Variants in MARK4 observed in about 807,000 individuals in gnomAD.
MARK4 encodes the protein MAP/microtubule affinity-regulating kinase 4.
MARK4 carries 19 observed loss-of-function variants against 81.5 expected under a neutral mutation model. The ratio of observed to expected loss-of-function variants is 0.23; its 90% CI spans 0.16 to 0.34. MARK4 has a LOEUF of 0.34. MARK4 is among the 10% of genes least tolerant of loss of function. MARK4 has a pLI of 1.00. For synonymous variants in MARK4, 436 were observed against 439.0 expected, an observed-to-expected ratio of 0.99 and a Z score of 0.08; for missense variants, 772 against 1,058.8, an observed-to-expected ratio of 0.73 and a Z score of 3.76.
intron 15 of MARK4, chr19:45,298,312 T>C (rs1361300691): frequency 2.5e-5 from 33 of 1,304,588 alleles, no homozygotes; most frequent in Admixed American, 3.5e-5. Flanking sequence ...GGGGGCTCTG[T>C]GGATGTGAGG....
chr19:45,286,751 A>G (rs1970747788), intron 12 of MARK4, among the ~76,000 whole-genome samples: 1 of 152,048 alleles, frequency 6.6e-6, no homozygotes, highest in African/African-American at 2.4e-5. Flanking sequence ...CTTAAGATAT[A>G]TAAAAACAAT....
chr19:45,287,504 C>T lies in MARK4; in HGVS notation c.1334C>T (p.Ala445Val), dbSNP rs547448729. ...CGCAGCCCGACGAGCACGGGGGAGG[C>T]GGAGCTGAAGGAGGAGCGGCTGCCA... ...PKRSPTSTGE[A>V]ELKEERLPGR... The change falls in exon 13 of 17, where the codon GCG becomes GTG. Residue 445 changes from alanine to valine, a missense_variant. Ala to Val is a moderately conservative substitution (Grantham distance 64, BLOSUM62 0). Transcript: ENST00000262891. 3.9e-5 allele frequency: 60 copies of T among 1,537,500 alleles called. No individual in the cohort carries two copies. Among genetic ancestry groups the T allele is most frequent in the East Asian group, 1.2e-4 (5 of 42,636 alleles).
At chr19:45,290,369 G>A (rs555589716) in intron 13 of MARK4, among the ~76,000 whole-genome samples, 31 of 152,360 alleles carry the variant, frequency 2.0e-4, no homozygotes, top group East Asian at 5.8e-4. Flanking sequence ...AGCCTTGACC[G>A]GCTTTGACTG....
At chr19:45,262,548 T>C (rs1970393855) in intron 2 of MARK4, among the ~76,000 whole-genome samples, 1 of 152,216 alleles carries the variant, frequency 6.6e-6, no homozygotes. Flanking sequence ...GTGATCTTCA[T>C]TGCCCTCACA....
At chr19:45,255,985 G>C (rs2123022611) in intron 1 of MARK4, among the ~76,000 whole-genome samples, 1 of 152,396 alleles carries the variant, frequency 6.6e-6, no homozygotes, top group South Asian at 2.1e-4. Flanking sequence ...GGACAGGACA[G>C]TAGGAACAGA....
intron 16 of MARK4, among the ~76,000 whole-genome samples, chr19:45,300,757 A>G (rs552449198): frequency 7.2e-5 from 11 of 152,108 alleles, no homozygotes; most frequent in Middle Eastern, 6.3e-3. Context: ...GCTGACTCTC[A>G]TTGGTTGGGA....
chr19:45,257,987 C>A (rs987357984), intron 1 of MARK4, among the ~76,000 whole-genome samples: 1 of 137,974 alleles, frequency 7.2e-6, no homozygotes, highest in African/African-American at 2.6e-5. Flanking sequence ...CCATGCCTGG[C>A]CTTTTTTTTT....
Position 45,251,629 on chromosome 19 carries a change from A to T in MARK4, c.41A>T (p.Asn14Ile), listed in dbSNP as rs1970242988. 2 of 1,414,872 alleles carry T rather than the reference A, an allele frequency of 1.4e-6. No homozygotes were observed. Among genetic ancestry groups the T allele is most frequent in the Non-Finnish European group, 1.9e-6 (2 of 1,074,632 alleles). The allele number at this position is 1,414,872 out of a possible 1,614,324, so 87.6% of individuals were successfully genotyped here. A position where few individuals can be genotyped will look rare whatever the true frequency, so the allele number is the denominator to read the frequency against. The change falls in exon 1 of 17, where the codon AAC (asparagine) becomes ATC (isoleucine). Residue 14 changes from asparagine to isoleucine, a missense_variant. This residue lies in a region of MARK4 where 115 missense variants were observed against 139.8 expected (regional missense o/e 0.82). Transcript: ENST00000262891. ...RTVLAPGNDR[N>I]SDTHGTLGSG... The stretch of plus-strand genomic sequence containing the variant: ...GTGCTGGCCCCGGGCAACGATCGGA[A>T]CTCGGACACGGTGAGTGGGGCCCGG...
chr19:45,278,645 C>G, intron 10 of MARK4, 30 bp downstream of exon 10: 1 of 1,516,384 alleles, frequency 6.6e-7, no homozygotes, highest in Non-Finnish European at 9.2e-7. Context: ...ATCCTGTCAC[C>G]CAGGATGGAG....
rs1332982284 is a variant in MARK4 at position 45,298,301 on chromosome 19, A to T, written c.1877+347A>T. The T allele has an allele frequency of 1.0e-5, 15 of 1,468,180 alleles. No homozygotes were observed. The East Asian group carries it at 3.2e-4, about 31-fold the overall frequency. 90.9% of individuals were successfully genotyped at this position (1,468,180 alleles called of 1,614,324 possible). On this transcript the variant is annotated intron_variant, in intron 15 of 16. Coordinates refer to ENST00000262891, the MANE Select transcript of MARK4 (RefSeq NM_001199867.2). ...CTGACCTGTGTGTGCGGGCATTGGGAGGGGGCTCTGTGGATGTGAGGGTCT... is the reference window on the plus strand; with the variant it reads ...CTGACCTGTGTGTGCGGGCATTGGGTGGGGGCTCTGTGGATGTGAGGGTCT...
chr19:45,294,571 G>A, intron 14 of MARK4, 119 bp downstream of exon 14: 2 of 840,000 alleles, frequency 2.4e-6, no homozygotes, highest in Non-Finnish European at 1.9e-6. Context: ...GAGAGTGAGT[G>A]TATCTGCCCT....
chr19:45,284,178 T>C lies in MARK4; in HGVS notation c.1277-3269T>C, dbSNP rs1162978684. On this transcript the variant is annotated intron_variant, in intron 12 of 16. Transcript: ENST00000262891. ...TACAAGCCACCTTGCCCAGCTAATT[T>C]TGTATTTTTAGTAGAGACAGGGTTT... Among the ~76,000 whole-genome samples, 3 of 151,782 alleles carry C rather than the reference T, an allele frequency of 2.0e-5. No individual in the cohort carries two copies. In the East Asian group the frequency reaches 5.8e-4, roughly 29 times the overall value.
intron 2 of MARK4, among the ~76,000 whole-genome samples, chr19:45,260,364 G>T (rs1373030548): frequency 6.7e-6 from 1 of 149,324 alleles, no homozygotes; most frequent in African/African-American, 2.5e-5. Flanking sequence ...TATTCCGCCT[G>T]GGCAACAAGA....
Position 45,251,573 on chromosome 19 carries a change from C to G in MARK4, c.-16C>G. ...CCCCCCACCCGGCCGCCCCTGCCCC[C>G]CGGGACCCGGAGAAGATGTCTTCGC... is the stretch of plus-strand genomic sequence containing the variant. On this transcript the variant is annotated 5_prime_UTR_variant, in exon 1 of 17. Transcript: ENST00000262891. The G allele has an allele frequency of 7.2e-7, 1 of 1,385,886 alleles. No homozygotes were observed. The highest frequency in any genetic ancestry group is 1.6e-5 in the South Asian group (1 of 61,398). 85.8% of individuals were successfully genotyped at this position (1,385,886 alleles called of 1,614,324 possible).
At chr19:45,298,046 A>G in intron 15 of MARK4, 92 bp downstream of exon 15, 3 of 1,554,358 alleles carry the variant, frequency 1.9e-6, no homozygotes, top group South Asian at 1.2e-5. Flanking sequence ...CTGTACCCCA[A>G]CATTTCCTCT....
chr19:45,276,794 TTTTG>T (rs1171826650), intron 8 of MARK4, among the ~76,000 whole-genome samples: 1 of 151,180 alleles, frequency 6.6e-6, no homozygotes, highest in African/African-American at 2.4e-5. Context: ...CCCAGCTAAT[TTTTG>T]TATTTTTTTT....
intron 8 of MARK4, among the ~76,000 whole-genome samples, chr19:45,273,268 ATCTG>A (rs1568495032): frequency 6.6e-6 from 1 of 152,122 alleles, no homozygotes; most frequent in African/African-American, 2.4e-5. Context: ...CATTTGCTCT[ATCTG>A]TCTGTATTTG....
intron 12 of MARK4, among the ~76,000 whole-genome samples, chr19:45,281,782 G>T (rs926743139): frequency 6.6e-6 from 1 of 152,222 alleles, no homozygotes; most frequent in African/African-American, 2.4e-5. Flanking sequence ...AGGACACGTT[G>T]TACAAAGTGG....
At chr19:45,270,300 G>A (rs763360100) in intron 7 of MARK4, among the ~76,000 whole-genome samples, 3 of 152,204 alleles carry the variant, frequency 2.0e-5, no homozygotes, top group Admixed American at 1.3e-4. Flanking sequence ...GCGAGTGAGT[G>A]GTGGAGCTGG....
Sources: gnomAD v4.1 joint callset for allele counts (sites outside exome capture counted in the v4.1 genomes callset) on GRCh38, gnomAD v4.1.1 for gene constraint, gnomAD v4.1.1 regional missense constraint, MANE v1.5 for transcripts, NCBI Gene and HGNC (gene_info 2026-07-23, HGNC 2026-07-21) for gene names.